GOT1: variants seen among roughly 807,000 people sequenced by gnomAD.
GOT1 encodes the protein glutamic-oxaloacetic transaminase 1, also known as aspartate aminotransferase, cytoplasmic.
Under a neutral mutation model 48.2 loss-of-function variants are expected in GOT1, and 25 were observed. That is an observed-to-expected ratio of 0.52 (90% CI 0.38 to 0.72). The LOEUF (loss-of-function observed/expected upper bound fraction) is 0.72. GOT1 is among the 30% of genes least tolerant of loss of function. The pLI is 0.00. For missense variants in GOT1, 380 were observed against 520.1 expected, an observed-to-expected ratio of 0.73 and a Z score of 2.62; for synonymous variants, 188 against 193.8, an observed-to-expected ratio of 0.97 and a Z score of 0.25.
intron 2 of GOT1, among the ~76,000 whole-genome samples, chr10:99,415,710 C>T (rs1475484002): frequency 2.0e-5 from 3 of 152,092 alleles, no homozygotes; most frequent in Non-Finnish European, 4.4e-5. Context: ...GCTGGCAAAC[C>T]AAATCCAGCA....
In GOT1 at chr10:99,403,627, T is replaced by C. The variant is rs776252418; in HGVS notation, c.801A>G (p.Arg267=). The C allele has an allele frequency of 2.2e-5, 36 of 1,614,072 alleles. No homozygotes were observed. The highest frequency in any genetic ancestry group is 3.1e-5 in the Non-Finnish European group (36 of 1,179,988). Residue 267 remains arginine, a synonymous_variant, in exon 7 of 9, where the codon AGA becomes AGG. Transcript: ENST00000370508. ...FSKNFGLYNE[R]VGNLTVVGKE... Reference sequence around the variant, plus strand: ...TTCCAACCACAGTCAGATTCCCGACTCTCTCATCTAAAGAGAGGGACCAGA... The same window carrying C: ...TTCCAACCACAGTCAGATTCCCGACCCTCTCATCTAAAGAGAGGGACCAGA...
rs1207948292 is a variant in GOT1, at chr10:99,405,774, CT to C, written c.623del (p.Gln208ArgfsTer6). On this transcript the variant is annotated frameshift_variant, in exon 5 of 9. Transcript: ENST00000370508. LOFTEE classifies it high-confidence loss of function. ...GIDPTPEQWKQIASVMKHRFL... is the reference protein window; with the variant it reads ...GIDPTPEQWKXIASVMKHRFL... ...CAGTTACCTTCATGACAGAAGCAAT[CT>C]GCTTCCACTGCTCCGGAGTTGGGTC... 2.5e-6 allele frequency: 4 copies of C among 1,582,176 alleles called. No individual in the cohort carries two copies. Among genetic ancestry groups the C allele is most frequent in the Non-Finnish European group, 3.5e-6 (4 of 1,150,882 alleles).
At chr10:99,419,932 T>C (rs143760095) in intron 2 of GOT1, among the ~76,000 whole-genome samples, 13 of 152,302 alleles carry the variant, frequency 8.5e-5, no homozygotes, top group African/African-American at 3.1e-4. Flanking sequence ...CTTCCAAATG[T>C]GTTCTTCCTC....
At chr10:99,425,451 A>C (rs1269244308) in intron 1 of GOT1, among the ~76,000 whole-genome samples, 1 of 152,250 alleles carries the variant, frequency 6.6e-6, no homozygotes, top group Admixed American at 6.5e-5. Flanking sequence ...AATAAACCAG[A>C]GAGAAGGACA....
At chr10:99,403,901 CAGGAA>C in intron 5 of GOT1, 27 bp from the exon 6 acceptor site, 1 of 1,612,054 alleles carries the variant, frequency 6.2e-7, no homozygotes, top group Non-Finnish European at 8.5e-7. Context: ...TGAGTCAGGG[CAGGAA>C]ATCCTTCTGG....
intron 2 of GOT1, among the ~76,000 whole-genome samples, chr10:99,409,980 T>A (rs575589827): frequency 1.3e-5 from 2 of 152,308 alleles, no homozygotes; most frequent in Admixed American, 1.3e-4. Flanking sequence ...ATAAGCAAAG[T>A]TGACATTCAA....
chr10:99,416,837 C>T (rs2134105595), intron 2 of GOT1, among the ~76,000 whole-genome samples: 1 of 152,230 alleles, frequency 6.6e-6, no homozygotes, highest in South Asian at 2.1e-4. Flanking sequence ...GAAAGGATTC[C>T]CTATTTAACA....
At chr10:99,412,881 G>A (rs2032845312) in intron 2 of GOT1, among the ~76,000 whole-genome samples, 1 of 152,176 alleles carries the variant, frequency 6.6e-6, no homozygotes, top group Non-Finnish European at 1.5e-5. Flanking sequence ...CTGCAGCTGA[G>A]GGTCCTGACT....
At chr10:99,406,672 A>G in intron 3 of GOT1, 54 bp downstream of exon 3, 2 of 1,563,802 alleles carry the variant, frequency 1.3e-6, no homozygotes, top group Non-Finnish European at 1.8e-6. Context: ...GAGAGTCATG[A>G]GGATAATTCT....
intron 1 of GOT1, among the ~76,000 whole-genome samples, chr10:99,429,305 C>T (rs552908644): frequency 3.9e-5 from 6 of 152,118 alleles, no homozygotes; most frequent in African/African-American, 1.4e-4. Flanking sequence ...GTCTCAGCCT[C>T]CCAAAGTGCT....
At chr10:99,416,544 T>A (rs1280712010) in intron 2 of GOT1, among the ~76,000 whole-genome samples, 1 of 152,220 alleles carries the variant, frequency 6.6e-6, no homozygotes, top group South Asian at 2.1e-4. Context: ...TTCAATGCCA[T>A]CCCCATCAAC....
chr10:99,417,692 A>G (rs1446212852), intron 2 of GOT1, among the ~76,000 whole-genome samples: 13 of 152,350 alleles, frequency 8.5e-5, no homozygotes, highest in South Asian at 6.2e-4. Context: ...ATGTCCATCA[A>G]TGATAGACTG....
At chr10:99,427,105 T>C (rs556844275) in intron 1 of GOT1, among the ~76,000 whole-genome samples, 9 of 152,324 alleles carry the variant, frequency 5.9e-5, no homozygotes, top group Admixed American at 3.3e-4. Flanking sequence ...AACACTTATA[T>C]ATGACACTTT....
intron 1 of GOT1, among the ~76,000 whole-genome samples, chr10:99,427,526 C>T (rs938087288): frequency 2.0e-5 from 3 of 152,200 alleles, no homozygotes; most frequent in East Asian, 3.9e-4. Context: ...GCCTCGGCCT[C>T]CCAAAGCGTT....
chr10:99,428,257 C>T (rs2033066194), intron 1 of GOT1, among the ~76,000 whole-genome samples: 1 of 152,172 alleles, frequency 6.6e-6, no homozygotes, highest in South Asian at 2.1e-4. Context: ...CCAAATACAG[C>T]TATAAACACT....
chr10:99,411,992 CAGAG>C (rs899810496), intron 2 of GOT1, among the ~76,000 whole-genome samples: 10 of 152,318 alleles, frequency 6.6e-5, no homozygotes, highest in African/African-American at 2.4e-4. Context: ...TGTGATAACT[CAGAG>C]AGCTTAAACA....
At chr10:99,402,927 T>C (rs113309820) in intron 7 of GOT1, among the ~76,000 whole-genome samples, 4,176 of 152,318 alleles carry the variant, frequency 0.027, 84 homozygotes, top group Non-Finnish European at 0.043. Flanking sequence ...CATTTACTAG[T>C]GAGTCTAGTG....
At chr10:99,406,623 G>A (rs2032760325) in intron 3 of GOT1, 103 bp downstream of exon 3, 1 of 1,168,316 alleles carries the variant, frequency 8.6e-7, no homozygotes, top group Non-Finnish European at 1.3e-6. Context: ...CCAACAGTCA[G>A]TTGTTCTAGG....
intron 1 of GOT1, 40 bp downstream of exon 1, chr10:99,430,408 C>G (rs1190537272): frequency 6.2e-7 from 1 of 1,601,452 alleles, no homozygotes; most frequent in South Asian, 1.1e-5. Flanking sequence ...GTCCGCTCCA[C>G]TCCCCGAGCT....
Sources: gnomAD v4.1 joint callset for allele counts (sites outside exome capture counted in the v4.1 genomes callset) on GRCh38, gnomAD v4.1.1 for gene constraint, MANE v1.5 for transcripts, NCBI Gene and HGNC (gene_info 2026-07-23, HGNC 2026-07-21) for gene names.